The following APC2 variants were observed in gnomAD, a reference collection of about 807,000 sequenced individuals.
The protein encoded by APC2 is adenomatous polyposis coli protein 2.
APC2 carries 41 observed loss-of-function variants against 72.5 expected under a neutral mutation model. The observed-to-expected ratio is 0.57, with a 90% CI of 0.44 to 0.73. The LOEUF is 0.73. APC2 is among the 30% of genes least tolerant of loss of function. The pLI, the probability that APC2 is intolerant of heterozygous loss-of-function variation, is 0.00. For missense variants in APC2, 3,729 were observed against 3,403.4 expected, an observed-to-expected ratio of 1.10 and a Z score of -2.38; for synonymous variants, 1,898 against 1,612.0, an observed-to-expected ratio of 1.18 and a Z score of -4.25.
In APC2 at chr19:1,456,358, TC is replaced by T; in HGVS notation, c.774del (p.Thr259HisfsTer161). 6.2e-7 allele frequency: 1 copy of T among 1,604,900 alleles called. No homozygotes were observed. The highest frequency in any genetic ancestry group is 8.5e-7 in the Non-Finnish European group (1 of 1,177,230). On this transcript the variant is annotated frameshift_variant, in exon 8 of 15. Coordinates refer to ENST00000590469, the MANE Select transcript of APC2 (RefSeq NM_005883.3). LOFTEE classifies it high-confidence loss of function. Reference sequence around the variant, plus strand: ...GTGGACGAGGACCCCGAGACAGAGGTCCCCACACACCCTGAGGATGGCACCC... The same window carrying T: ...GTGGACGAGGACCCCGAGACAGAGGTCCCACACACCCTGAGGATGGCACCC... ...VPVDEDPETE[V>X]PTHPEDGTPQ...
chr19:1,470,389 G>T lies in APC2; in HGVS notation c.*176G>T, dbSNP rs958597716. 1 of 962,610 alleles carries T rather than the reference G, an allele frequency of 1.0e-6. No individual in the cohort carries two copies. Among genetic ancestry groups the T allele is most frequent in the African/African-American group, 1.7e-5 (1 of 57,274 alleles). The allele number at this position is 962,610 out of a possible 1,614,324, so 59.6% of individuals were successfully genotyped here. A position where few individuals can be genotyped will look rare whatever the true frequency, so the allele number is the denominator to read the frequency against. On this transcript the variant is annotated 3_prime_UTR_variant, in exon 15 of 15. Coordinates refer to ENST00000590469, the MANE Select transcript of APC2 (RefSeq NM_005883.3). ...ACGGCGACCTCGCGCCTCACCGGAA[G>T]ACCTTGCCTCTGTGCCGCGGAGGTC...
chr19:1,463,940 C>T (rs976353609), intron 14 of APC2, among the ~76,000 whole-genome samples: 1 of 151,194 alleles, frequency 6.6e-6, no homozygotes, highest in Non-Finnish European at 1.5e-5. Flanking sequence ...TTTGGGAGGC[C>T]GAGGTGGGCG....
rs927800408 is a variant in APC2, at chr19:1,467,870, C to T, written c.4569C>T (p.Pro1523=). 1 of 1,565,564 alleles carries T rather than the reference C, an allele frequency of 6.4e-7. No individual in the cohort carries two copies. Among genetic ancestry groups the T allele is most frequent in the Non-Finnish European group, 8.6e-7 (1 of 1,164,966 alleles). Reference sequence around the variant, plus strand: ...ACGAGGAGCCCCCGGCGGCCGCGCCCACGCCAACCCACCGGCGCACATCGG... The same window carrying T: ...ACGAGGAGCCCCCGGCGGCCGCGCCTACGCCAACCCACCGGCGCACATCGG... The part of the protein sequence containing the change: ...DSDEEPPAAA[P]TPTHRRTSAI... Residue 1523 remains proline, a synonymous_variant, in exon 15 of 15, where the codon CCC becomes CCT. Coordinates refer to ENST00000590469, the MANE Select transcript of APC2 (RefSeq NM_005883.3).
intron 7 of APC2, 25 bp downstream of exon 7, chr19:1,456,178 A>G: frequency 6.4e-7 from 1 of 1,569,484 alleles, no homozygotes; most frequent in African/African-American, 1.3e-5. Context: ...AGAGCCAGGG[A>G]CCAGGGGTGG....
Position 1,468,720 on chromosome 19 carries a change from G to A in APC2, c.5419G>A (p.Gly1807Arg). Residue 1807 changes from glycine to arginine, a missense_variant, in exon 15 of 15, where the codon GGG becomes AGG. Coordinates refer to ENST00000590469, the MANE Select transcript of APC2 (RefSeq NM_005883.3). ...PSPAPRAQPKGTPGPRATPRK... is the reference protein window; with the variant it reads ...PSPAPRAQPKRTPGPRATPRK... ...CCCGGCACCCCGTGCCCAGCCCAAA[G>A]GGACCCCCGGCCCCCGCGCCACACC... 2.0e-6 allele frequency: 3 copies of A among 1,515,174 alleles called. No homozygotes were observed. The highest frequency in any genetic ancestry group is 1.4e-5 in the African/African-American group (1 of 71,758). The allele number at this position is 1,515,174 out of a possible 1,614,324, so 93.9% of individuals were successfully genotyped here. A position where few individuals can be genotyped will look rare whatever the true frequency, so the allele number is the denominator to read the frequency against.
chr19:1,470,165 G>A lies in APC2; in HGVS notation c.6864G>A (p.Ser2288=), dbSNP rs1599167519. 1.2e-6 allele frequency: 2 copies of A among 1,601,394 alleles called. No individual in the cohort carries two copies. The highest frequency in any genetic ancestry group is 1.1e-5 in the South Asian group (1 of 89,718). Residue 2288 remains serine (S), a synonymous_variant, in exon 15 of 15, where the codon TCG becomes TCA. Coordinates refer to ENST00000590469, the MANE Select transcript of APC2 (RefSeq NM_005883.3). ...SPMVVAATTD[S]AAEKAPATAS... is the part of the protein sequence containing the mutation. The stretch of plus-strand genomic sequence containing the variant: ...TGGTGGTCGCAGCCACCACCGACTC[G>A]GCCGCGGAGAAAGCCCCGGCCACTG...
chr19:1,470,233 G>A lies in APC2; in HGVS notation c.*20G>A, dbSNP rs1392023047. ...GAATAGTGGCCTAGGCCGGCCTTCT[G>A]GAACGTTCTCTCCCGGCCCTGCGGC... On this transcript the variant is annotated 3_prime_UTR_variant, in exon 15 of 15. Coordinates refer to ENST00000590469, the MANE Select transcript of APC2 (RefSeq NM_005883.3). 3.2e-6 allele frequency: 5 copies of A among 1,564,038 alleles called. No individual in the cohort carries two copies. The highest frequency in any genetic ancestry group is 1.8e-4 in the Middle Eastern group (1 of 5,686).
chr19:1,457,142 G>A lies in APC2; in HGVS notation c.1106G>A (p.Arg369His), dbSNP rs2083845145. ...CAGGGCCTGGCGCGCAAGGAGATGC[G>A]CGTCCTGCACGTGCTGGAGCAGATC... is the stretch of plus-strand genomic sequence containing the variant. ...PDQGLARKEM[R>H]VLHVLEQIRA... Residue 369 changes from arginine (R) to histidine (H), a missense_variant, in exon 9 of 15, where the codon CGC becomes CAC. Coordinates refer to ENST00000590469, the MANE Select transcript of APC2 (RefSeq NM_005883.3). The A allele has an allele frequency of 2.5e-6, 4 of 1,588,900 alleles. No individual in the cohort carries two copies. Among genetic ancestry groups the A allele is most frequent in the Non-Finnish European group, 2.6e-6 (3 of 1,170,468 alleles).
Position 1,470,713 on chromosome 19 carries a change from A to G in APC2, c.*500A>G, listed in dbSNP as rs1227322142. On this transcript the variant is annotated 3_prime_UTR_variant, in exon 15 of 15. Coordinates refer to ENST00000590469, the MANE Select transcript of APC2 (RefSeq NM_005883.3). The stretch of plus-strand genomic sequence containing the variant: ...GCGCGCAGGGGCGAAGCCTGTAATC[A>G]CTGCAGCCGCCGGTAATTCGCTAAT... The G allele has an allele frequency of 1.3e-5, 2 of 154,538 alleles. No individual in the cohort carries two copies. Among genetic ancestry groups the G allele is most frequent in the Non-Finnish European group, 2.9e-5 (2 of 69,838 alleles). The allele number at this position is 154,538 out of a possible 1,614,324, so 9.6% of individuals were successfully genotyped here.
At chr19:1,459,398 C>T (rs948602307) in intron 10 of APC2, among the ~76,000 whole-genome samples, 9 of 152,224 alleles carry the variant, frequency 5.9e-5, no homozygotes, top group African/African-American at 1.2e-4. Flanking sequence ...TCTGAGGCTG[C>T]GTGACATCCC....
chr19:1,461,442 G>A (rs142967919), intron 13 of APC2: 590 of 485,294 alleles, frequency 1.2e-3, no homozygotes, highest in Non-Finnish European at 1.7e-3. Context: ...GGCAGCGGGC[G>A]CCTGTTAGTC....
In APC2 at chr19:1,468,695, C is replaced by A. The variant is rs775941790; in HGVS notation, c.5394C>A (p.Ser1798Arg). ...GACGAACAGTGATCTACGTCCCCAG[C>A]CCGGCACCCCGTGCCCAGCCCAAAG... ...LRGRTVIYVP[S>R]PAPRAQPKGT... The change falls in exon 15 of 15, where the codon AGC (serine) becomes AGA (arginine). Residue 1798 changes from serine to arginine, a missense_variant. By Grantham distance (110) the Ser-to-Arg change is moderately radical. Transcript: ENST00000590469. 1 of 1,543,402 alleles carries A rather than the reference C, an allele frequency of 6.5e-7. No individual in the cohort carries two copies. The highest frequency in any genetic ancestry group is 8.8e-7 in the Non-Finnish European group (1 of 1,138,830).
rs2084003892 is a variant in APC2, at chr19:1,465,945, G to A, written c.2644G>A (p.Glu882Lys). The A allele has an allele frequency of 6.3e-7, 1 of 1,580,364 alleles. No homozygotes were observed. The highest frequency in any genetic ancestry group is 8.6e-7 in the Non-Finnish European group (1 of 1,168,958). The change falls in exon 15 of 15, where the codon GAG (glutamate) becomes AAG (lysine). Residue 882 changes from glutamate (E) to lysine (K), a missense_variant. Glu to Lys is a moderately conservative substitution (Grantham distance 56). Transcript: ENST00000590469. ...FSLSSGDPGQ[E>K]APREGRAQSC... is the part of the protein sequence containing the mutation. ...CCTCAGCTCTGGAGACCCGGGACAGGAGGCGCCACGGGAGGGCCGCGCCCA... is the reference window on the plus strand; with the variant it reads ...CCTCAGCTCTGGAGACCCGGGACAGAAGGCGCCACGGGAGGGCCGCGCCCA...
Position 1,465,761 on chromosome 19 carries a change from G to T in APC2, c.2460G>T (p.Pro820=). 6.5e-7 allele frequency: 1 copy of T among 1,529,350 alleles called. No individual in the cohort carries two copies. 94.7% of individuals were successfully genotyped at this position (1,529,350 alleles called of 1,614,324 possible). A position where few individuals can be genotyped will look rare whatever the true frequency, so the allele number is the denominator to read the frequency against. The change falls in exon 15 of 15, where the codon CCG becomes CCT. Residue 820 remains proline, a synonymous_variant. Transcript: ENST00000590469. ...AGGGGCAGGCGCTGGCTCGCACCCC[G>T]CCCACCCGCCGAGGCGGCAAGGAGG... The part of the protein sequence containing the change: ...FLQGQALART[P]PTRRGGKEAE...
At position 1,472,029 on chromosome 19, in the gene APC2, A is replaced by C. The variant is rs1376599462; in HGVS notation, c.*1816A>C. ...CCAATGCTCCCTCCTAGGACCTCGC[A>C]GCCAGGCAAGGCTGTCAGGTTGTTT... On this transcript the variant is annotated 3_prime_UTR_variant, in exon 15 of 15. Coordinates refer to ENST00000590469, the MANE Select transcript of APC2 (RefSeq NM_005883.3). The C allele has an allele frequency of 3.9e-5, 6 of 152,404 alleles. No homozygotes were observed. The highest frequency in any genetic ancestry group is 9.7e-5 in the African/African-American group (4 of 41,444). 9.4% of individuals were successfully genotyped at this position (152,404 alleles called of 1,614,324 possible). A position where few individuals can be genotyped will look rare whatever the true frequency, so the allele number is the denominator to read the frequency against.
At position 1,469,046 on chromosome 19, in the gene APC2, C is replaced by A. The variant is rs371513221; in HGVS notation, c.5745C>A (p.Thr1915=). 522 of 1,538,814 alleles carry A rather than the reference C, an allele frequency of 3.4e-4. No homozygotes were observed. The highest frequency in any genetic ancestry group is 4.2e-4 in the Non-Finnish European group (481 of 1,144,588). The change falls in exon 15 of 15, where the codon ACC becomes ACA. Residue 1915 remains threonine (T), a synonymous_variant. Transcript: ENST00000590469. ...CGGTGCCCAAAACGCCGGCGCGCAC[C>A]CTTCTGGCGAAGCAGCACAAGACGC... ...ASPVPKTPAR[T]LLAKQHKTQR... is the part of the protein sequence containing the mutation.
chr19:1,460,650 T>A (rs1476673278), intron 11 of APC2, 130 bp from the exon 12 acceptor site: 1 of 1,022,146 alleles, frequency 9.8e-7, no homozygotes, highest in African/African-American at 1.6e-5. Flanking sequence ...GGGGTAACCG[T>A]CCCCGGTAGT....
At chr19:1,454,563 C>CTTTTATTTTTTTTTTTT in intron 4 of APC2, among the ~76,000 whole-genome samples, 1 of 116,140 alleles carries the variant, frequency 8.6e-6, no homozygotes, top group Non-Finnish European at 1.7e-5. Context: ...ATCTTTTGTA[C>CTTTTATTTTTTTTTTTT]TTTTTTTTTT....
rs559692973 is a variant in APC2, at chr19:1,465,067, C to G, written c.1854-88C>G. 62 of 1,465,590 alleles carry G rather than the reference C, an allele frequency of 4.2e-5. 1 individual carries two copies. In the African/African-American group the frequency reaches 7.8e-4, roughly 18 times the overall value. 90.8% of individuals were successfully genotyped at this position (1,465,590 alleles called of 1,614,324 possible). On this transcript the variant is annotated intron_variant, in intron 14 of 14. Coordinates refer to ENST00000590469, the MANE Select transcript of APC2 (RefSeq NM_005883.3). Reference sequence around the variant, plus strand: ...ATCCAAACCTAACCAGATGCGTTTACTTTTACCTGCCACATCTGGCCCCCC... The same window carrying G: ...ATCCAAACCTAACCAGATGCGTTTAGTTTTACCTGCCACATCTGGCCCCCC...
Sources: allele counts gnomAD v4.1 joint callset (sites outside exome capture counted in the v4.1 genomes callset), GRCh38; gene constraint gnomAD v4.1.1; transcripts MANE v1.5; gene names NCBI Gene and HGNC (gene_info 2026-07-23, HGNC 2026-07-21).